Variants in TRHDE observed in about 807,000 individuals in gnomAD.
TRHDE encodes the protein thyrotropin releasing hormone degrading enzyme.
TRHDE carries 72 observed loss-of-function variants against 125.7 expected under a neutral mutation model. The ratio of observed to expected loss-of-function variants is 0.57; its 90% CI spans 0.47 to 0.70. The LOEUF (loss-of-function observed/expected upper bound fraction) is 0.70, where lower values mean the gene tolerates loss of function less well. TRHDE is among the 30% of genes least tolerant of loss of function. The pLI is 0.00. For missense variants in TRHDE, 1,110 were observed against 1,327.1 expected (o/e 0.84, Z 2.54); for synonymous variants, 509 against 509.1 (o/e 1.00, Z 0.00).
At position 72,241,827 on chromosome 12, in the gene TRHDE, C is replaced by T. The variant is rs74103657; in HGVS notation, n.279+136075C>T. On this transcript the variant is annotated intron_variant and non_coding_transcript_variant, in intron 2 of 4. Transcript: ENST00000548156. ...CTTATGGTATCATCATCAGTCTTTT[C>T]GTTAGGTTTTTTTCAACGTAGTCAT... is the stretch of plus-strand genomic sequence containing the variant. Among the ~76,000 whole-genome samples, 758 of 152,198 alleles carry T rather than the reference C, an allele frequency of 5.0e-3. 13 individuals are homozygous for T. The highest frequency in any genetic ancestry group is 0.018 in the African/African-American group (727 of 41,524).
At chr12:72,113,688 C>T (rs1875375927) in intron 2 of TRHDE, among the ~76,000 whole-genome samples, 1 of 151,800 alleles carries the variant, frequency 6.6e-6, no homozygotes, top group South Asian at 2.1e-4. Context: ...TTAGACTCAC[C>T]CCTATTATTT....
At chr12:72,633,270 C>G (rs1334106567) in intron 15 of TRHDE, among the ~76,000 whole-genome samples, 1 of 152,012 alleles carries the variant, frequency 6.6e-6, no homozygotes, top group African/African-American at 2.4e-5. Flanking sequence ...AAGTCTCTTT[C>G]TTTTCATATA....
intron 2 of TRHDE, among the ~76,000 whole-genome samples, chr12:72,115,298 GT>G (rs1037232827): frequency 7.6e-6 from 1 of 131,154 alleles, no homozygotes; most frequent in Admixed American, 9.8e-5. Flanking sequence ...CGCATGTGAA[GT>G]TTGTCTTTCT....
chr12:72,324,256 A>G (rs73338648), intron 2 of TRHDE, among the ~76,000 whole-genome samples: 6,789 of 152,138 alleles, frequency 0.045, 518 homozygotes, highest in African/African-American at 0.15. Flanking sequence ...TGAGGCCCAG[A>G]GGAGTTAAAT....
intron 2 of TRHDE, among the ~76,000 whole-genome samples, chr12:72,364,926 C>T (rs1334590165): frequency 6.6e-6 from 1 of 152,092 alleles, no homozygotes; most frequent in Non-Finnish European, 1.5e-5. Flanking sequence ...AGTTTATTCT[C>T]TTGTTTAAGA....
At chr12:72,313,422 T>C (rs1022620453) in intron 2 of TRHDE, among the ~76,000 whole-genome samples, 5 of 152,108 alleles carry the variant, frequency 3.3e-5, no homozygotes, top group African/African-American at 1.2e-4. Flanking sequence ...TGAGTGTTTT[T>C]AAAAGCGTTC....
intron 2 of TRHDE, among the ~76,000 whole-genome samples, chr12:72,144,891 G>C (rs1467375355): frequency 6.6e-6 from 1 of 152,154 alleles, no homozygotes; most frequent in Admixed American, 6.5e-5. Context: ...CAAGGATAGG[G>C]TAATTGGAGC....
intron 6 of TRHDE, among the ~76,000 whole-genome samples, chr12:72,517,850 G>T (rs1878960272): frequency 6.6e-6 from 1 of 151,690 alleles, no homozygotes; most frequent in African/African-American, 2.4e-5. Flanking sequence ...TTGTGTCTTT[G>T]TTCTCATTGG....
intron 5 of TRHDE, among the ~76,000 whole-genome samples, chr12:72,476,286 A>G (rs1876889000): frequency 6.6e-6 from 1 of 152,204 alleles, no homozygotes; most frequent in Admixed American, 6.5e-5. Context: ...AGATAGCTCA[A>G]TATAAATCCA....
At chr12:72,363,775 A>G (rs1164737056) in intron 2 of TRHDE, among the ~76,000 whole-genome samples, 1 of 152,098 alleles carries the variant, frequency 6.6e-6, no homozygotes, top group Non-Finnish European at 1.5e-5. Flanking sequence ...AGCCAGGGCA[A>G]TGAGGCAGGA....
intron 18 of TRHDE, among the ~76,000 whole-genome samples, chr12:72,659,840 T>C (rs1874847732): frequency 6.6e-6 from 1 of 152,136 alleles, no homozygotes; most frequent in African/African-American, 2.4e-5. Flanking sequence ...AAACTAATGG[T>C]GTAGGGTCCA....
At chr12:72,303,022 C>T (rs10506651) in intron 2 of TRHDE, 7,329 of 152,268 alleles carry the variant, frequency 0.048, 252 homozygotes, top group Non-Finnish European at 0.073. Context: ...AACCACTATG[C>T]TTGAATAATG....
At chr12:72,264,390 A>G (rs2139396782) in intron 2 of TRHDE, 1 of 152,136 alleles carries the variant, frequency 6.6e-6, no homozygotes. Flanking sequence ...ATCACCTAGA[A>G]TCAATTATCA....
chr12:72,562,919 G>T lies in TRHDE; in HGVS notation c.1921G>T (p.Gly641Cys). Residue 641 changes from glycine (G) to cysteine (C), a missense_variant, in exon 9 of 19, where the codon GGT becomes TGT. Coordinates refer to ENST00000261180, the MANE Select transcript of TRHDE (RefSeq NM_013381.3). The part of the protein sequence containing the change: ...EVMDQWTLQM[G>C]YPVITILGNT... Reference sequence around the variant, plus strand: ...AATGGATCAGTGGACACTCCAGATGGGTTATCCTGTTATCACCATCTTGGG... The same window carrying T: ...AATGGATCAGTGGACACTCCAGATGTGTTATCCTGTTATCACCATCTTGGG... 1 of 1,610,856 alleles carries T rather than the reference G, an allele frequency of 6.2e-7. No individual in the cohort carries two copies. Among genetic ancestry groups the T allele is most frequent in the Non-Finnish European group, 8.5e-7 (1 of 1,178,728 alleles).
chr12:72,663,145 CT>C lies in TRHDE; in HGVS notation c.3163del (p.Tyr1055ThrfsTer9). The C allele has an allele frequency of 6.2e-7, 1 of 1,612,962 alleles. No individual in the cohort carries two copies. Among genetic ancestry groups the C allele is most frequent in the Non-Finnish European group, 8.5e-7 (1 of 1,179,398 alleles). On this transcript the variant is annotated frameshift_variant, in exon 19 of 19. Transcript: ENST00000261180. LOFTEE classifies it high-confidence loss of function. ...CGAAGCCAATGTGCGCTGGAAAATG[CT>C]TTACCAAGACGAGCTTTTCCAATGG... ...TVEANVRWKMLYQDELFQWLG... is the reference protein window; with the variant it reads ...TVEANVRWKMXYQDELFQWLG...
chr12:72,460,135 AAGTGTGGAACAAAAAGC>A (rs1278531478), intron 3 of TRHDE, among the ~76,000 whole-genome samples: 1 of 152,218 alleles, frequency 6.6e-6, no homozygotes, highest in African/African-American at 2.4e-5. Context: ...CTTAAAAAGA[AAGTGTGGAACAAAAAGC>A]AGTCAGTGCC....
chr12:72,272,758 A>G lies in TRHDE; in HGVS notation c.115A>G (p.Ser39Gly), dbSNP rs1304075910. 2 of 1,534,272 alleles carry G rather than the reference A, an allele frequency of 1.3e-6. No homozygotes were observed. The highest frequency in any genetic ancestry group is 1.8e-6 in the Non-Finnish European group (2 of 1,142,460). The change falls in exon 1 of 19, where the codon AGC becomes GGC. Residue 39 changes from serine (S) to glycine (G), a missense_variant. By Grantham distance (56) the Ser-to-Gly change is moderately conservative. Around this residue, in one of 5 missense-constraint regions of TRHDE, gnomAD observed 248 missense variants for 240.8 expected, o/e 1.03. Coordinates refer to ENST00000261180, the MANE Select transcript of TRHDE (RefSeq NM_013381.3). This position sits in a 1 kb window ranked among gnomAD's most constrained non-coding sequence, Gnocchi z 6.7. ...GGAGGAGGAGGGGGCCGAGAAGAGCAGCTCACCCTTCGCAGCCGCGATGGG... is the reference window on the plus strand; with the variant it reads ...GGAGGAGGAGGGGGCCGAGAAGAGCGGCTCACCCTTCGCAGCCGCGATGGG... ...EEEEEGAEKS[S>G]SPFAAAMGED...
chr12:72,359,128 A>G (rs73144999), intron 2 of TRHDE, among the ~76,000 whole-genome samples: 6,319 of 150,666 alleles, frequency 0.042, 179 homozygotes, highest in Non-Finnish European at 0.064. Flanking sequence ...AAAGCAAATA[A>G]TTTAACACTA....
At chr12:72,124,011 A>G (rs1875654535) in intron 2 of TRHDE, among the ~76,000 whole-genome samples, 1 of 152,018 alleles carries the variant, frequency 6.6e-6, no homozygotes, top group Non-Finnish European at 1.5e-5. Context: ...CCTTTTTATC[A>G]CTGAGTGGTA....
Sources: gnomAD v4.1 joint callset for allele counts (sites outside exome capture counted in the v4.1 genomes callset) on GRCh38, gnomAD v4.1.1 for gene constraint, gnomAD v4.1.1 regional missense constraint, Gnocchi (gnomAD v3.1) non-coding constraint, MANE v1.5 for transcripts, NCBI Gene and HGNC (gene_info 2026-07-23, HGNC 2026-07-21) for gene names.